The following FSHR variants were observed in gnomAD, a reference collection of about 807,000 sequenced individuals.
FSHR encodes the protein follicle stimulating hormone receptor.
A neutral mutation model predicts 52.1 loss-of-function variants in FSHR; 46 were observed. That is an observed-to-expected ratio of 0.88 (90% CI 0.70 to 1.13). The LOEUF (loss-of-function observed/expected upper bound fraction) is 1.13. Ranked by LOEUF, FSHR falls within the 50% of genes most tolerant of loss-of-function variation. FSHR has a pLI of 0.00. For synonymous variants in FSHR, 399 were observed against 309.6 expected (o/e 1.29, Z -3.03); for missense variants, 964 against 834.6 (o/e 1.16, Z -1.91).
At chr2:49,112,113 G>A (rs1166855369) in intron 1 of FSHR, among the ~76,000 whole-genome samples, 2 of 152,098 alleles carry the variant, frequency 1.3e-5, no homozygotes, top group East Asian at 3.8e-4. Context: ...CTTCGGTTAT[G>A]TATGTGAACT....
intron 2 of FSHR, among the ~76,000 whole-genome samples, chr2:49,064,206 C>T (rs944135421): frequency 6.6e-6 from 1 of 151,934 alleles, no homozygotes; most frequent in African/African-American, 2.4e-5. Context: ...TAAATGGGGA[C>T]AGCACAAGTT....
intron 1 of FSHR, among the ~76,000 whole-genome samples, chr2:49,121,706 G>A (rs1441697815): frequency 6.6e-6 from 1 of 152,216 alleles, no homozygotes; most frequent in Non-Finnish European, 1.5e-5. Flanking sequence ...TGTGTGCATA[G>A]CAACCTTAAC....
intron 1 of FSHR, among the ~76,000 whole-genome samples, chr2:49,127,820 CTTCTTCTTCCTCTTCTTCTTCTTCTTCT>C (rs1672087068): frequency 3.9e-5 from 2 of 51,456 alleles, no homozygotes; most frequent in African/African-American, 8.2e-5. Flanking sequence ...TCTTCTTCTT[CTTCTTCTTCCTCTTCTTCTTCTTCTTCT>C]TCTTCTTCTT....
At chr2:49,135,693 A>G (rs1484002891) in intron 1 of FSHR, among the ~76,000 whole-genome samples, 1 of 152,154 alleles carries the variant, frequency 6.6e-6, no homozygotes, top group South Asian at 2.1e-4. Context: ...CGAATCCTCT[A>G]AAACTTAACT....
At chr2:48,971,404 T>C (rs1035522974) in intron 8 of FSHR, among the ~76,000 whole-genome samples, 1 of 152,238 alleles carries the variant, frequency 6.6e-6, no homozygotes, top group Non-Finnish European at 1.5e-5. Context: ...ATCCAGCTTC[T>C]ACCAGTTGCC....
At chr2:49,014,466 T>G (rs1488418768) in intron 4 of FSHR, among the ~76,000 whole-genome samples, 1 of 152,120 alleles carries the variant, frequency 6.6e-6, no homozygotes, top group African/African-American at 2.4e-5. Flanking sequence ...GGCATAGCTC[T>G]GTTTCCTCTG....
chr2:49,123,271 C>T (rs538145237), intron 1 of FSHR, among the ~76,000 whole-genome samples: 18 of 152,110 alleles, frequency 1.2e-4, no homozygotes, highest in South Asian at 6.2e-4. Flanking sequence ...GAGGCTGAGG[C>T]GGGCAGATTG....
In FSHR at chr2:49,021,945, C is replaced by T. The variant is rs1409110190; in HGVS notation, c.225-1785G>A. On this transcript the variant is annotated intron_variant, in intron 2 of 9. Coordinates refer to ENST00000406846, the MANE Select transcript of FSHR (RefSeq NM_000145.4). The stretch of plus-strand genomic sequence containing the variant: ...GAATGAACACCATGCTGGCTATTGG[C>T]CGTTTATTATCTCATTCTTTATCCT... 5.4e-5 allele frequency among the ~76,000 whole-genome samples: 7 copies of T among 129,934 alleles called. No homozygotes were observed. The East Asian group carries it at 1.8e-3, about 33-fold the overall frequency. The allele number at this position is 129,934 out of a possible 152,430, so 85.2% of individuals were successfully genotyped here.
At position 48,993,413 on chromosome 2, in the gene FSHR, G is replaced by A. The variant is rs78810765; in HGVS notation, c.375-2776C>T. ...GTTGGCTTGGCTTCTTCTTTCTCAC[G>A]TTCCGATATCCAGCCCATCTCAAAG... On this transcript the variant is annotated intron_variant, in intron 4 of 9. Transcript: ENST00000406846. 6.5e-4 allele frequency among the ~76,000 whole-genome samples: 99 copies of A among 152,064 alleles called. 1 individual carries two copies. In the East Asian group the frequency reaches 0.01, roughly 16 times the overall value.
chr2:49,099,048 A>G (rs1204744744), intron 1 of FSHR, among the ~76,000 whole-genome samples: 1 of 151,770 alleles, frequency 6.6e-6, no homozygotes, highest in Non-Finnish European at 1.5e-5. Context: ...CATCTCCAGT[A>G]TCATATGTAA....
chr2:49,013,762 A>G (rs1572633789), intron 4 of FSHR, among the ~76,000 whole-genome samples: 1 of 151,794 alleles, frequency 6.6e-6, no homozygotes, highest in Non-Finnish European at 1.5e-5. Flanking sequence ...TATAACTGCA[A>G]TGAATTGAAC....
intron 1 of FSHR, among the ~76,000 whole-genome samples, chr2:49,086,276 T>G (rs1268200149): frequency 6.6e-6 from 1 of 152,162 alleles, no homozygotes; most frequent in Non-Finnish European, 1.5e-5. Flanking sequence ...CACTTTACAT[T>G]GTGAGAGTTC....
At chr2:49,124,383 A>C (rs1405744254) in intron 1 of FSHR, among the ~76,000 whole-genome samples, 1 of 152,134 alleles carries the variant, frequency 6.6e-6, no homozygotes, top group Non-Finnish European at 1.5e-5. Context: ...AGAAAACAAA[A>C]ATATAATTAA....
chr2:49,042,021 G>A (rs1432488698), intron 2 of FSHR, among the ~76,000 whole-genome samples: 2 of 152,080 alleles, frequency 1.3e-5, no homozygotes, highest in African/African-American at 4.8e-5. Flanking sequence ...GTGTGGGCCT[G>A]TAGTCCCAGG....
intron 1 of FSHR, among the ~76,000 whole-genome samples, chr2:49,153,470 G>A (rs573196132): frequency 6.6e-6 from 1 of 152,094 alleles, no homozygotes; most frequent in East Asian, 1.9e-4. Context: ...GAGTCAAAAG[G>A]CCCGATTTCT....
chr2:48,986,377 A>T (rs967104444), intron 6 of FSHR, among the ~76,000 whole-genome samples: 16 of 144,894 alleles, frequency 1.1e-4, no homozygotes, highest in Non-Finnish European at 2.2e-4. Context: ...AACAGTCATC[A>T]GCGCCATTTG....
intron 5 of FSHR, among the ~76,000 whole-genome samples, chr2:48,990,003 A>C (rs1675697180): frequency 6.6e-6 from 1 of 152,040 alleles, no homozygotes; most frequent in Admixed American, 6.6e-5. Flanking sequence ...CTCTCTGCTT[A>C]GCTCCTTACA....
intron 4 of FSHR, among the ~76,000 whole-genome samples, chr2:49,001,223 A>G (rs1304014714): frequency 6.6e-6 from 1 of 152,144 alleles, no homozygotes; most frequent in East Asian, 1.9e-4. Context: ...AAAGTCATTT[A>G]ACGCTGCCCA....
intron 5 of FSHR, among the ~76,000 whole-genome samples, chr2:48,990,014 C>T (rs961644495): frequency 7.9e-5 from 12 of 152,158 alleles, no homozygotes; most frequent in African/African-American, 2.9e-4. Flanking sequence ...GCTCCTTACA[C>T]CCCTTCCCCA....
Sources: allele counts gnomAD v4.1 joint callset (sites outside exome capture counted in the v4.1 genomes callset), GRCh38; gene constraint gnomAD v4.1.1; transcripts MANE v1.5; gene names NCBI Gene and HGNC (gene_info 2026-07-23, HGNC 2026-07-21).